SEC14L5: variants seen among roughly 807,000 people sequenced by gnomAD.
SEC14L5 encodes SEC14 like lipid binding 5.
Under a neutral mutation model 84.6 loss-of-function variants are expected in SEC14L5, and 96 were observed. The ratio of observed to expected loss-of-function variants is 1.13; its 90% CI spans 0.96 to 1.34. SEC14L5 has a LOEUF of 1.34. SEC14L5 is among the 40% of genes most tolerant of loss of function. SEC14L5 has a pLI of 0.00. For synonymous variants in SEC14L5, 546 were observed against 383.4 expected (o/e 1.42, Z -4.95); for missense variants, 1,224 against 942.5 (o/e 1.30, Z -3.91).
At chr16:4,985,748 T>C (rs1381674951) in intron 2 of SEC14L5, among the ~76,000 whole-genome samples, 1 of 150,972 alleles carries the variant, frequency 6.6e-6, no homozygotes, top group Non-Finnish European at 1.5e-5. Flanking sequence ...GATATATCTA[T>C]ATATTTATAG....
intron 2 of SEC14L5, among the ~76,000 whole-genome samples, chr16:4,965,567 A>G (rs897490286): frequency 7.1e-6 from 1 of 140,604 alleles, no homozygotes; most frequent in African/African-American, 2.6e-5. Flanking sequence ...AGGCTGAGGC[A>G]GGAGAATGGT....
intron 2 of SEC14L5, among the ~76,000 whole-genome samples, chr16:4,969,187 C>T (rs1337352282): frequency 2.0e-5 from 3 of 152,254 alleles, no homozygotes; most frequent in African/African-American, 7.2e-5. Flanking sequence ...TAGTTGTCTT[C>T]TGATTTCCGA....
intron 4 of SEC14L5, among the ~76,000 whole-genome samples, 174 bp downstream of exon 4, chr16:4,988,454 C>T (rs1416675349): frequency 6.6e-6 from 1 of 152,202 alleles, no homozygotes; most frequent in African/African-American, 2.4e-5. Flanking sequence ...ATGAACAACC[C>T]ATAATTTTTT....
chr16:4,994,585 C>G (rs1299033896), intron 6 of SEC14L5, among the ~76,000 whole-genome samples: 2 of 152,124 alleles, frequency 1.3e-5, no homozygotes, highest in East Asian at 3.9e-4. Context: ...CTCAAGTTAT[C>G]CTCCTGCCTT....
intron 15 of SEC14L5, among the ~76,000 whole-genome samples, chr16:5,012,762 G>A (rs1217014580): frequency 1.4e-5 from 2 of 148,010 alleles, no homozygotes; most frequent in Non-Finnish European, 3.0e-5. Flanking sequence ...AAAATTAGCC[G>A]GGCATGCCTA....
chr16:4,999,465 A>G (rs142182550), intron 8 of SEC14L5, among the ~76,000 whole-genome samples: 426 of 151,946 alleles, frequency 2.8e-3, no homozygotes, highest in African/African-American at 9.7e-3. Flanking sequence ...AAAAAATACA[A>G]AAAAATTATC....
chr16:4,990,986 C>G, intron 5 of SEC14L5, 91 bp downstream of exon 5: 1 of 1,068,970 alleles, frequency 9.4e-7, no homozygotes, highest in Admixed American at 3.1e-5. Context: ...GACCCTTACC[C>G]TTCCTGGGCT....
chr16:5,002,363 C>T (rs1463334072), intron 10 of SEC14L5, among the ~76,000 whole-genome samples: 4 of 144,696 alleles, frequency 2.8e-5, no homozygotes. Flanking sequence ...GTGGTGCAAT[C>T]TTGGCTCACT....
intron 6 of SEC14L5, 41 bp from the exon 7 acceptor site, chr16:4,996,307 G>A (rs1955607540): frequency 3.4e-6 from 4 of 1,174,840 alleles, no homozygotes; most frequent in Non-Finnish European, 5.0e-6. Context: ...AAGAGACGCA[G>A]CGTCTCCCTC....
Position 5,015,089 on chromosome 16 carries a change from T to C in SEC14L5, c.*119T>C, listed in dbSNP as rs571667960. The stretch of plus-strand genomic sequence containing the variant: ...GGGCTGGAGCCCCAGGCCTAGATGC[T>C]GCCCAAGTTGGGGTGTCTGGAGCGG... On this transcript the variant is annotated 3_prime_UTR_variant, in exon 16 of 16. Coordinates refer to ENST00000251170, the MANE Select transcript of SEC14L5 (RefSeq NM_014692.2). 1.2e-4 allele frequency: 92 copies of C among 752,162 alleles called. No homozygotes were observed. The highest frequency in any genetic ancestry group is 7.2e-4 in the Middle Eastern group (2 of 2,774). 46.6% of individuals were successfully genotyped at this position (752,162 alleles called of 1,614,324 possible). A position where few individuals can be genotyped will look rare whatever the true frequency, so the allele number is the denominator to read the frequency against.
At chr16:4,994,015 A>AT (rs1315734079) in intron 6 of SEC14L5, among the ~76,000 whole-genome samples, 1 of 110,222 alleles carries the variant, frequency 9.1e-6, no homozygotes, top group Admixed American at 9.3e-5. Context: ...TCCTTTGTCC[A>AT]TTTTCTTATT....
chr16:4,979,067 C>A (rs1278787374), intron 2 of SEC14L5, among the ~76,000 whole-genome samples: 1 of 152,168 alleles, frequency 6.6e-6, no homozygotes, highest in Non-Finnish European at 1.5e-5. Flanking sequence ...GGAAGGGGAT[C>A]TTCAGGCAAA....
chr16:4,991,016 G>C (rs187736457), intron 5 of SEC14L5, 121 bp downstream of exon 5: 6 of 757,106 alleles, frequency 7.9e-6, no homozygotes, highest in Non-Finnish European at 1.2e-5. Context: ...CTGTTAAATG[G>C]GTACTCTAGT....
At chr16:5,010,742 G>A (rs961127808) in intron 14 of SEC14L5, among the ~76,000 whole-genome samples, 2 of 152,078 alleles carry the variant, frequency 1.3e-5, no homozygotes, top group Admixed American at 1.3e-4. Context: ...TGAGCTCCCG[G>A]CCCAAATCCC....
intron 5 of SEC14L5, among the ~76,000 whole-genome samples, chr16:4,991,297 A>G (rs1175314723): frequency 6.6e-6 from 1 of 151,846 alleles, no homozygotes; most frequent in East Asian, 1.9e-4. Flanking sequence ...TTTTTAAACA[A>G]TGTGTTATCA....
intron 4 of SEC14L5, among the ~76,000 whole-genome samples, chr16:4,990,528 AT>A (rs1437346050): frequency 6.6e-6 from 1 of 152,230 alleles, no homozygotes; most frequent in Non-Finnish European, 1.5e-5. Context: ...AGGGCTGCAG[AT>A]TTGAGACCCA....
At chr16:5,004,858 CTG>C (rs1955713826) in intron 11 of SEC14L5, among the ~76,000 whole-genome samples, 1 of 152,174 alleles carries the variant, frequency 6.6e-6, no homozygotes, top group Admixed American at 6.5e-5. Flanking sequence ...AATAAACAAA[CTG>C]TGGAATACTG....
In SEC14L5 at chr16:5,011,159, G is replaced by C; in HGVS notation, c.1865G>C (p.Ser622Thr). Residue 622 changes from serine to threonine, a missense_variant, in exon 15 of 16, where the codon AGC (serine) becomes ACC (threonine). Coordinates refer to ENST00000251170, the MANE Select transcript of SEC14L5 (RefSeq NM_014692.2). ...LLQWQMHSPP[S>T]SVACSLPGVD... is the part of the protein sequence containing the mutation. ...CAGTGGCAAATGCACAGCCCCCCCA[G>C]CAGCGTGGCCTGCAGCCTCCCGGGT... 1 of 1,613,026 alleles carries C rather than the reference G, an allele frequency of 6.2e-7. No individual in the cohort carries two copies. The highest frequency in any genetic ancestry group is 8.5e-7 in the Non-Finnish European group (1 of 1,179,582).
intron 14 of SEC14L5, among the ~76,000 whole-genome samples, chr16:5,010,130 G>A (rs1482792367): frequency 7.6e-6 from 1 of 132,332 alleles, no homozygotes; most frequent in Non-Finnish European, 1.5e-5. Context: ...ATCATCTGAA[G>A]TCAGGAGTTC....
Sources: allele counts gnomAD v4.1 joint callset (sites outside exome capture counted in the v4.1 genomes callset), GRCh38; gene constraint gnomAD v4.1.1; transcripts MANE v1.5; gene names NCBI Gene and HGNC (gene_info 2026-07-23, HGNC 2026-07-21).